The following TVP23A variants were observed in gnomAD, a reference collection of about 807,000 sequenced individuals.
The protein encoded by TVP23A is trans-golgi network vesicle protein 23 homolog A, also known as Golgi apparatus membrane protein TVP23 homolog A.
A neutral mutation model predicts 31.7 loss-of-function variants in TVP23A; 21 were observed. The ratio of observed to expected loss-of-function variants is 0.66; its 90% CI spans 0.47 to 0.95. TVP23A has a LOEUF of 0.95. Ranked by LOEUF, TVP23A falls within the 40% of genes least tolerant of loss-of-function variation. TVP23A has a pLI of 0.00. For missense variants in TVP23A, 279 were observed against 255.6 expected (o/e 1.09, Z -0.62); for synonymous variants, 104 against 96.0 (o/e 1.08, Z -0.49).
chr16:10,783,307 G>C (rs1008836451), intron 2 of TVP23A, among the ~76,000 whole-genome samples: 1 of 152,132 alleles, frequency 6.6e-6, no homozygotes, highest in African/African-American at 2.4e-5. Flanking sequence ...GAAAACTTAC[G>C]TCTGCACAAA....
chr16:10,760,981 A>G (rs893175341), downstream of TVP23A: 1 of 192,302 alleles, frequency 5.2e-6, no homozygotes, highest in Non-Finnish European at 1.1e-5. Context: ...AGGAAACTTA[A>G]CAATCATGGT....
In TVP23A at chr16:10,790,956, C is replaced by T. The variant is rs184203646; in HGVS notation, c.90-15860G>A. Among the ~76,000 whole-genome samples the T allele has an allele frequency of 4.6e-5, 7 of 152,222 alleles. No individual in the cohort carries two copies. In the East Asian group the frequency reaches 5.8e-4, roughly 13 times the overall value. Reference sequence around the variant, plus strand: ...AGGGTAGAACGAGGCATGTCTGACCCCCACCTCTTCCCATCATGGCCTGAA... The same window carrying T: ...AGGGTAGAACGAGGCATGTCTGACCTCCACCTCTTCCCATCATGGCCTGAA... On this transcript the variant is annotated intron_variant, in intron 2 of 7. Coordinates refer to ENST00000299866, the MANE Select transcript of TVP23A (RefSeq NM_001079512.4).
At chr16:10,792,037 CT>C (rs1246788359) in intron 2 of TVP23A, among the ~76,000 whole-genome samples, 2 of 152,204 alleles carry the variant, frequency 1.3e-5, no homozygotes, top group African/African-American at 4.8e-5. Flanking sequence ...AACGTCACAC[CT>C]GATCCAACCA....
chr16:10,810,261 A>C (rs1194520021), intron 2 of TVP23A, among the ~76,000 whole-genome samples: 2 of 152,204 alleles, frequency 1.3e-5, no homozygotes, highest in African/African-American at 2.4e-5. Context: ...GGAGAAAAGA[A>C]GATCCACCCT....
At chr16:10,794,902 T>C (rs888658150) in intron 2 of TVP23A, among the ~76,000 whole-genome samples, 15 of 151,966 alleles carry the variant, frequency 9.9e-5, no homozygotes, top group Non-Finnish European at 2.2e-4. Flanking sequence ...CCTGGAACCC[T>C]CAGATTAGCA....
intron 2 of TVP23A, among the ~76,000 whole-genome samples, chr16:10,778,293 C>T (rs1316716715): frequency 6.6e-6 from 1 of 151,360 alleles, no homozygotes; most frequent in Non-Finnish European, 1.5e-5. Flanking sequence ...GAGATGATGC[C>T]ACTGCACTCC....
In TVP23A at chr16:10,777,045, G is replaced by A. The variant is rs189512950; in HGVS notation, c.90-1949C>T. Among the ~76,000 whole-genome samples the A allele has an allele frequency of 2.5e-3, 380 of 152,198 alleles. 1 individual carries two copies. The highest frequency in any genetic ancestry group is 4.2e-3 in the Non-Finnish European group (287 of 68,000). On this transcript the variant is annotated intron_variant, in intron 2 of 7. Transcript: ENST00000299866. The surrounding 1 kb of genome is among the most constrained non-coding windows in gnomAD (Gnocchi z 4.5). ...TCCTGTGACTTAGAATGCCTTAACC[G>A]TCCAGGAATGCAGCCCAGTAGGTCT...
At chr16:10,793,901 C>T (rs377757584) in intron 2 of TVP23A, among the ~76,000 whole-genome samples, 1 of 39,180 alleles carries the variant, frequency 2.6e-5, no homozygotes, top group Non-Finnish European at 4.9e-5. Context: ...CCTGTCTCAC[C>T]AAAAAAAAAA....
chr16:10,813,677 A>G (rs1295057058), intron 2 of TVP23A, among the ~76,000 whole-genome samples: 1 of 152,160 alleles, frequency 6.6e-6, no homozygotes, highest in African/African-American at 2.4e-5. Context: ...AGGTTTCCTG[A>G]ACCCCTGAAG....
intron 5 of TVP23A, 99 bp downstream of exon 5, chr16:10,773,214 A>T: frequency 7.3e-7 from 1 of 1,378,782 alleles, no homozygotes; most frequent in Non-Finnish European, 9.8e-7. Flanking sequence ...GTTATAATTG[A>T]TCAATCAATC....
At chr16:10,762,501 C>A (rs937069094), downstream of TVP23A, among the ~76,000 whole-genome samples, 11 of 152,246 alleles carry the variant, frequency 7.2e-5, no homozygotes, top group African/African-American at 2.7e-4. Context: ...TGGGCAGGGC[C>A]TACACTCGAA....
In TVP23A at chr16:10,777,175, G is replaced by A. The variant is rs916926483; in HGVS notation, c.90-2079C>T. Reference sequence around the variant, plus strand: ...GAAACCCGCACCTCAGGGCAGGGGAGGAAAAGGGAGGGATGAAAGGGACTC... The same window carrying A: ...GAAACCCGCACCTCAGGGCAGGGGAAGAAAAGGGAGGGATGAAAGGGACTC... On this transcript the variant is annotated intron_variant, in intron 2 of 7. Transcript: ENST00000299866. The surrounding 1 kb of genome is among the most constrained non-coding windows in gnomAD (Gnocchi z 4.5). Among the ~76,000 whole-genome samples, 4 of 152,088 alleles carry A rather than the reference G, an allele frequency of 2.6e-5. No homozygotes were observed. Among genetic ancestry groups the A allele is most frequent in the Non-Finnish European group, 4.4e-5 (3 of 68,026 alleles).
In TVP23A at chr16:10,818,220, C is replaced by T. The variant is rs367944573; in HGVS notation, c.10-38G>A. 1.5e-4 allele frequency: 224 copies of T among 1,535,840 alleles called. 6 individuals are homozygous for T. Among genetic ancestry groups the T allele is most frequent in the South Asian group, 1.0e-3 (87 of 84,380 alleles). Reference sequence around the variant, plus strand: ...CAAGGGCAGGTGGCAGGCCCAAGCACGGCGCACACCCCAACCCCACCCGCC... The same window carrying T: ...CAAGGGCAGGTGGCAGGCCCAAGCATGGCGCACACCCCAACCCCACCCGCC... On this transcript the variant is annotated intron_variant, in intron 1 of 7. Transcript: ENST00000299866. This position sits in a 1 kb window ranked among gnomAD's most constrained non-coding sequence, Gnocchi z 4.7.
At chr16:10,791,892 G>A (rs1161348027) in intron 2 of TVP23A, among the ~76,000 whole-genome samples, 1 of 152,244 alleles carries the variant, frequency 6.6e-6, no homozygotes, top group Non-Finnish European at 1.5e-5. Context: ...TGGGATTACA[G>A]GTGTGAGCAT....
chr16:10,798,340 GC>G (rs1170164374), intron 2 of TVP23A, among the ~76,000 whole-genome samples: 1 of 152,018 alleles, frequency 6.6e-6, no homozygotes, highest in Non-Finnish European at 1.5e-5. Context: ...GTGACCTTGA[GC>G]AAGTAAGTCA....
rs779448337 is a variant in TVP23A at position 10,818,042 on chromosome 16, G to T, written c.89+61C>A. 7 of 1,366,646 alleles carry T rather than the reference G, an allele frequency of 5.1e-6. No homozygotes were observed. Among genetic ancestry groups the T allele is most frequent in the Non-Finnish European group, 7.2e-6 (7 of 974,576 alleles). 84.7% of individuals were successfully genotyped at this position (1,366,646 alleles called of 1,614,324 possible). On this transcript the variant is annotated intron_variant, in intron 2 of 7. Transcript: ENST00000299866. The surrounding 1 kb of genome is among the most constrained non-coding windows in gnomAD (Gnocchi z 4.7). ...CTCAATATATTTTGAATGAATGAGTGAGTAAATGAATGAATTTGCAGCTTT... is the reference window on the plus strand; with the variant it reads ...CTCAATATATTTTGAATGAATGAGTTAGTAAATGAATGAATTTGCAGCTTT...
intron 2 of TVP23A, among the ~76,000 whole-genome samples, chr16:10,798,150 C>CG (rs370280505): frequency 0.012 from 1,799 of 151,336 alleles, 16 homozygotes; most frequent in Non-Finnish European, 0.018. Context: ...TTAGTAGAGA[C>CG]GGGTTTCACC....
intron 2 of TVP23A, among the ~76,000 whole-genome samples, chr16:10,810,647 A>C (rs1260332611): frequency 6.6e-6 from 1 of 152,136 alleles, no homozygotes; most frequent in African/African-American, 2.4e-5. Context: ...GAATACGACA[A>C]CAAAGAAAGG....
intron 2 of TVP23A, among the ~76,000 whole-genome samples, chr16:10,815,171 AGGGAG>A (rs746549797): frequency 0.19 from 28,597 of 151,924 alleles, 6,551 homozygotes; most frequent in African/African-American, 0.54. Context: ...GTAGGTAGGT[AGGGAG>A]GCTGAGATCA....
Sources: allele counts gnomAD v4.1 joint callset (sites outside exome capture counted in the v4.1 genomes callset), GRCh38; gene constraint gnomAD v4.1.1; non-coding constraint Gnocchi (gnomAD v3.1); transcripts MANE v1.5; gene names NCBI Gene and HGNC (gene_info 2026-07-23, HGNC 2026-07-21).